MPRIP: variants seen among roughly 807,000 people sequenced by gnomAD.
MPRIP encodes the protein myosin phosphatase Rho-interacting protein.
MPRIP carries 59 observed loss-of-function variants against 234.9 expected under a neutral mutation model. The ratio of observed to expected loss-of-function variants is 0.25; its 90% CI spans 0.20 to 0.31. The LOEUF (loss-of-function observed/expected upper bound fraction) is 0.31, where lower values mean the gene tolerates loss of function less well. Among genes scored for constraint, MPRIP ranks in the 10% least tolerant of loss-of-function variants. The probability of loss-of-function intolerance (pLI) is 1.00; values close to 1 mark genes in which losing one functional copy is unlikely to be tolerated. For missense variants in MPRIP, 2,436 were observed against 3,071.0 expected, an observed-to-expected ratio of 0.79 and a Z score of 4.89; for synonymous variants, 1,144 against 1,263.9, an observed-to-expected ratio of 0.91 and a Z score of 2.01.
intron 10 of MPRIP, 109 bp from the exon 11 acceptor site, chr17:17,147,210 C>CAAA (rs1044394162): frequency 1.9e-6 from 2 of 1,033,336 alleles, no homozygotes; most frequent in African/African-American, 3.2e-5. Context: ...CCCTGCTTTC[C>CAAA]CTGTGCTCTG....
At chr17:17,126,891 C>CTGCACTG (rs1211701897) in intron 4 of MPRIP, 38 bp downstream of exon 4, 1 of 1,599,102 alleles carries the variant, frequency 6.3e-7, no homozygotes, top group East Asian at 2.2e-5. Context: ...GCACCACCAC[C>CTGCACTG]TGCCACAGGG....
chr17:17,116,096 A>G (rs1369048924), intron 3 of MPRIP, among the ~76,000 whole-genome samples: 1 of 152,212 alleles, frequency 6.6e-6, no homozygotes, highest in South Asian at 2.1e-4. Flanking sequence ...TAAATCTAGC[A>G]GGGTTGGCTT....
chr17:17,090,596 C>T (rs907277375), intron 3 of MPRIP, among the ~76,000 whole-genome samples: 1 of 152,194 alleles, frequency 6.6e-6, no homozygotes, highest in Non-Finnish European at 1.5e-5. Flanking sequence ...GTCCAAGGCT[C>T]ACTTCCTCTG....
At chr17:17,105,288 A>G (rs1234849883) in intron 3 of MPRIP, among the ~76,000 whole-genome samples, 1 of 152,174 alleles carries the variant, frequency 6.6e-6, no homozygotes, top group East Asian at 1.9e-4. Context: ...GGCCTCAGCC[A>G]GCACCCCCAG....
chr17:17,185,909 A>G lies in MPRIP; in HGVS notation c.*1015A>G, dbSNP rs1219769517. 1 of 162,178 alleles carries G rather than the reference A, an allele frequency of 6.2e-6. No individual in the cohort carries two copies. The allele number at this position is 162,178 out of a possible 1,614,324, so 10.0% of individuals were successfully genotyped here. On this transcript the variant is annotated 3_prime_UTR_variant, in exon 24 of 24. Coordinates refer to ENST00000651222, the MANE Select transcript of MPRIP (RefSeq NM_001364716.4). ...AGACTCCGATCTTAACTCTCATTTA[A>G]TTAATCTGAGCTCTGAAAACCTATC...
Position 17,165,649 on chromosome 17 carries a change from A to T in MPRIP, c.4058A>T (p.Asp1353Val). 1 of 1,305,116 alleles carries T rather than the reference A, an allele frequency of 7.7e-7. No individual in the cohort carries two copies. Among genetic ancestry groups the T allele is most frequent in the Non-Finnish European group, 1.0e-6 (1 of 989,064 alleles). The allele number at this position is 1,305,116 out of a possible 1,614,324, so 80.8% of individuals were successfully genotyped here. ...AGCACATCTTCCGACACCAGCCAGG[A>T]CCGGTCACCCTCGGAAGAAAGCATG... ...TSSTSSDTSQ[D>V]RSPSEESMSS... Residue 1353 changes from aspartate to valine, a missense_variant, in exon 16 of 24, where the codon GAC becomes GTC. By Grantham distance (152) the Asp-to-Val change is radical. Around this residue, in one of 4 missense-constraint regions of MPRIP, gnomAD observed 1,998 missense variants for 2,520.3 expected, o/e 0.79. Transcript: ENST00000651222.
chr17:17,072,360 C>T (rs1471430047), intron 1 of MPRIP, among the ~76,000 whole-genome samples: 1 of 152,138 alleles, frequency 6.6e-6, no homozygotes, highest in East Asian at 1.9e-4. Flanking sequence ...GCACTCACCT[C>T]CACTCCCTCT....
intron 19 of MPRIP, among the ~76,000 whole-genome samples, chr17:17,174,304 C>T (rs529182920): frequency 3.9e-5 from 6 of 152,262 alleles, no homozygotes; most frequent in Admixed American, 2.6e-4. Context: ...CAACGCTGTA[C>T]TGCCACGTGC....
chr17:17,169,450 A>G (rs1002996955), intron 16 of MPRIP, among the ~76,000 whole-genome samples: 4 of 152,214 alleles, frequency 2.6e-5, no homozygotes, highest in African/African-American at 9.6e-5. Context: ...AGGTGCCATT[A>G]TACCAACAGT....
intron 2 of MPRIP, 44 bp from the exon 3 acceptor site, chr17:17,077,967 A>C (rs901494678): frequency 1.2e-6 from 2 of 1,602,034 alleles, no homozygotes; most frequent in Non-Finnish European, 1.7e-6. Context: ...CTCTGGGGCC[A>C]GGACCCAGAT....
chr17:17,164,944 C>G lies in MPRIP; in HGVS notation c.3353C>G (p.Thr1118Arg). The change falls in exon 16 of 24, where the codon ACA becomes AGA. Residue 1118 changes from threonine (T) to arginine (R), a missense_variant. Coordinates refer to ENST00000651222, the MANE Select transcript of MPRIP (RefSeq NM_001364716.4). ...CTCAGACAGCGGTTCCAGGAGCTGA[C>G]AGAGCGCGTGGCCACGTCCGACGAG... ...DLLRQRFQEL[T>R]ERVATSDEDV... The G allele has an allele frequency of 3.1e-6, 4 of 1,303,806 alleles. No individual in the cohort carries two copies. Among genetic ancestry groups the G allele is most frequent in the Non-Finnish European group, 4.0e-6 (4 of 988,846 alleles). The allele number at this position is 1,303,806 out of a possible 1,614,324, so 80.8% of individuals were successfully genotyped here. A position where few individuals can be genotyped will look rare whatever the true frequency, so the allele number is the denominator to read the frequency against.
chr17:17,180,554 C>T (rs1056178156), intron 23 of MPRIP: 67 of 1,535,486 alleles, frequency 4.4e-5, no homozygotes, highest in Middle Eastern at 1.7e-4. Context: ...GGAGCGGCAC[C>T]GCGTGTGTTT....
chr17:17,152,339 G>T (rs997570367), intron 12 of MPRIP, among the ~76,000 whole-genome samples: 3 of 152,254 alleles, frequency 2.0e-5, no homozygotes, highest in African/African-American at 7.2e-5. Context: ...CTTTCTCCAG[G>T]CAGGGCACAC....
intron 3 of MPRIP, among the ~76,000 whole-genome samples, chr17:17,104,813 G>A (rs1720149872): frequency 6.6e-6 from 1 of 152,182 alleles, no homozygotes; most frequent in Non-Finnish European, 1.5e-5. Flanking sequence ...ATGGGCCTGT[G>A]GCTCAGTGGT....
chr17:17,105,864 G>A (rs185775546), intron 3 of MPRIP, among the ~76,000 whole-genome samples: 207 of 152,256 alleles, frequency 1.4e-3, no homozygotes, highest in African/African-American at 4.4e-3. Context: ...TTAGGTTAAG[G>A]TTTTGATCTT....
chr17:17,168,824 T>G (rs1567771818), intron 16 of MPRIP: 1 of 456,762 alleles, frequency 2.2e-6, no homozygotes, highest in East Asian at 7.0e-5. Flanking sequence ...CACGCTCATG[T>G]GGCAGAGCCA....
rs34804730 is a variant in MPRIP at position 17,066,723 on chromosome 17, C to CTTTTTTTTTTTTTTTTTTT, written c.124-8959_124-8941dup. ...TCAAACCCACAGATACTTTTTTCAT[C>CTTTTTTTTTTTTTTTTTTT]TTTTTTTTTTTTTTTTTTTTTTTTT... is the stretch of plus-strand genomic sequence containing the variant. On this transcript the variant is annotated intron_variant, in intron 1 of 23. Transcript: ENST00000651222. Among the ~76,000 whole-genome samples, 6 of 36,688 alleles carry CTTTTTTTTTTTTTTTTTTT rather than the reference C, an allele frequency of 1.6e-4. 3 individuals are homozygous for CTTTTTTTTTTTTTTTTTTT. The highest frequency in any genetic ancestry group is 3.6e-4 in the Non-Finnish European group (6 of 16,614). The allele number at this position is 36,688 out of a possible 152,430, so 24.1% of individuals were successfully genotyped here. A position where few individuals can be genotyped will look rare whatever the true frequency, so the allele number is the denominator to read the frequency against.
In MPRIP at chr17:17,078,212, G is replaced by C. The variant is rs936923785; in HGVS notation, c.267+136G>C. ...TCTGTTTGGGAGTGTGGAATGTTTT[G>C]AAGAACTTGTGGCACCTGCTGGAGA... On this transcript the variant is annotated intron_variant, in intron 3 of 23. Transcript: ENST00000651222. This position sits in a 1 kb window ranked among gnomAD's most constrained non-coding sequence, Gnocchi z 4.3. 1.1e-6 allele frequency: 1 copy of C among 936,162 alleles called. No homozygotes were observed. The highest frequency in any genetic ancestry group is 1.6e-5 in the African/African-American group (1 of 60,824). 58.0% of individuals were successfully genotyped at this position (936,162 alleles called of 1,614,324 possible).
At position 17,165,677 on chromosome 17, in the gene MPRIP, C is replaced by CT; in HGVS notation, c.4087dup (p.Ser1363PhefsTer15). 1 of 1,305,110 alleles carries CT rather than the reference C, an allele frequency of 7.7e-7. No homozygotes were observed. The allele number at this position is 1,305,110 out of a possible 1,614,324, so 80.8% of individuals were successfully genotyped here. A position where few individuals can be genotyped will look rare whatever the true frequency, so the allele number is the denominator to read the frequency against. On this transcript the variant is annotated frameshift_variant, in exon 16 of 24. Coordinates refer to ENST00000651222, the MANE Select transcript of MPRIP (RefSeq NM_001364716.4). LOFTEE classifies it high-confidence loss of function. ...GGTCACCCTCGGAAGAAAGCATGTC[C>CT]TCAGAGCCTGCACCCAGTGTACTGC...
Sources: allele counts gnomAD v4.1 joint callset (sites outside exome capture counted in the v4.1 genomes callset), GRCh38; gene constraint gnomAD v4.1.1; regional missense constraint gnomAD v4.1.1; non-coding constraint Gnocchi (gnomAD v3.1); transcripts MANE v1.5; gene names NCBI Gene and HGNC (gene_info 2026-07-23, HGNC 2026-07-21).